The following MCM10 variants were observed in gnomAD, a reference collection of about 807,000 sequenced individuals.
The protein encoded by MCM10 is minichromosome maintenance 10 replication initiation factor, also known as protein MCM10 homolog.
A neutral mutation model predicts 109.9 loss-of-function variants in MCM10; 91 were observed. The observed-to-expected ratio is 0.83, with a 90% CI of 0.70 to 0.99. MCM10 has a LOEUF of 0.99. Among genes scored for constraint, MCM10 ranks in the 50% least tolerant of loss-of-function variants. MCM10 has a pLI of 0.00. For synonymous variants in MCM10, 380 were observed against 387.2 expected (o/e 0.98, Z 0.22); for missense variants, 1,077 against 1,061.2 (o/e 1.01, Z -0.21).
At chr10:13,168,315 T>A (rs1275342048) in intron 2 of MCM10, among the ~76,000 whole-genome samples, 1 of 152,250 alleles carries the variant, frequency 6.6e-6, no homozygotes, top group African/African-American at 2.4e-5. Context: ...AACCTCTGAC[T>A]GAGCATTAGG....
At chr10:13,195,337 GAC>G in intron 14 of MCM10, 68 bp downstream of exon 14, 1 of 1,167,148 alleles carries the variant, frequency 8.6e-7, no homozygotes, top group Non-Finnish European at 1.2e-6. Context: ...AGGAAAGACA[GAC>G]ACCTAATAGC....
chr10:13,181,097 A>G (rs1834203791), intron 7 of MCM10, among the ~76,000 whole-genome samples: 1 of 152,268 alleles, frequency 6.6e-6, no homozygotes, highest in South Asian at 2.1e-4. Context: ...TGACTGAGTC[A>G]TAAATGGGAA....
intron 18 of MCM10, among the ~76,000 whole-genome samples, chr10:13,208,416 C>T (rs1834612399): frequency 6.6e-6 from 1 of 151,012 alleles, no homozygotes. Flanking sequence ...AACAAGAGTC[C>T]CTGGGCCCTT....
Position 13,192,390 on chromosome 10 carries a change from G to T in MCM10, c.1627+25G>T, listed in dbSNP as rs371995890. 215 of 1,611,912 alleles carry T rather than the reference G, an allele frequency of 1.3e-4. No individual in the cohort carries two copies. In the African/African-American group the frequency reaches 2.6e-3, roughly 19 times the overall value. On this transcript the variant is annotated intron_variant, in intron 12 of 19. Coordinates refer to ENST00000378714, the MANE Select transcript of MCM10 (RefSeq NM_018518.5). ...GGTACCATCAGCTGCATGGCCACAC[G>T]TGTGTCCCTGTGTTCCCTCAGCCTC...
rs1273511838 is a variant in MCM10, at chr10:13,209,231, A to G, written c.2546A>G (p.Lys849Arg). The G allele has an allele frequency of 6.2e-7, 1 of 1,613,398 alleles. No individual in the cohort carries two copies. The highest frequency in any genetic ancestry group is 8.5e-7 in the Non-Finnish European group (1 of 1,179,304). ...KWERDGMLKEKTGPKIGGETL... is the reference protein window; with the variant it reads ...KWERDGMLKERTGPKIGGETL... ...AAAATATTTTCATTTTTCTAGGAAA[A>G]GACTGGTCCAAAGATAGGAGGAGAA... The change falls in exon 20 of 20, where the codon AAG becomes AGG. Residue 849 changes from lysine to arginine, a missense_variant. By Grantham distance (26) the Lys-to-Arg change is conservative. Transcript: ENST00000378714.
chr10:13,203,602 G>A (rs1834528638), intron 17 of MCM10, among the ~76,000 whole-genome samples: 1 of 152,110 alleles, frequency 6.6e-6, no homozygotes, highest in Non-Finnish European at 1.5e-5. Flanking sequence ...TCGAGTTATT[G>A]ATCAAGCTCA....
intron 18 of MCM10, chr10:13,204,580 C>G (rs547627029): frequency 2.4e-5 from 12 of 499,708 alleles, no homozygotes; most frequent in Non-Finnish European, 3.5e-5. Context: ...AGTGCCTGGC[C>G]CATAAGGGGT....
At position 13,166,653 on chromosome 10, in the gene MCM10, C is replaced by T. The variant is rs11594276; in HGVS notation, c.7+2444C>T. Among the ~76,000 whole-genome samples the T allele has an allele frequency of 4.1e-3, 188 of 45,462 alleles. 5 individuals carry two copies. Among genetic ancestry groups the T allele is most frequent in the African/African-American group, 0.014 (173 of 12,460 alleles). The allele number at this position is 45,462 out of a possible 152,430, so 29.8% of individuals were successfully genotyped here. The stretch of plus-strand genomic sequence containing the variant: ...TCTGTCTCAAAAAAAAAAAAAAATA[C>T]ATACATACATATATATATATATATA... On this transcript the variant is annotated intron_variant, in intron 2 of 19. Transcript: ENST00000378714.
In MCM10 at chr10:13,182,938, A is replaced by G. The variant is rs766208063; in HGVS notation, c.936A>G (p.Lys312=). ...KVTPQSVNSG[K]TFSIWKLNDL... The stretch of plus-strand genomic sequence containing the variant: ...AAAATAACTATTTGTTCCAGGGAAA[A>G]ACCTTCAGCATATGGAAACTGAATG... The change falls in exon 8 of 20, where the codon AAA becomes AAG. Residue 312 remains lysine (K), a synonymous_variant. Coordinates refer to ENST00000378714, the MANE Select transcript of MCM10 (RefSeq NM_018518.5). This position sits in a 1 kb window ranked among gnomAD's most constrained non-coding sequence, Gnocchi z 4.2. 3.7e-6 allele frequency: 6 copies of G among 1,611,144 alleles called. No individual in the cohort carries two copies. The highest frequency in any genetic ancestry group is 5.1e-6 in the Non-Finnish European group (6 of 1,178,486).
At position 13,188,900 on chromosome 10, in the gene MCM10, A is replaced by C. The variant is rs768062336; in HGVS notation, c.1235A>C (p.Gln412Pro). 6 of 1,614,046 alleles carry C rather than the reference A, an allele frequency of 3.7e-6. No homozygotes were observed. The highest frequency in any genetic ancestry group is 5.1e-6 in the Non-Finnish European group (6 of 1,180,016). Reference protein sequence around the residue: ...TVNLRDCEYCQYHVQAQYKKL... With the variant: ...TVNLRDCEYCPYHVQAQYKKL... Reference sequence around the variant, plus strand: ...TTGCAGCGTGACTGTGAGTACTGTCAGTACCATGTCCAGGCTCAGTACAAG... The same window carrying C: ...TTGCAGCGTGACTGTGAGTACTGTCCGTACCATGTCCAGGCTCAGTACAAG... The change falls in exon 10 of 20, where the codon CAG (glutamine) becomes CCG (proline). Residue 412 changes from glutamine to proline, a missense_variant. By Grantham distance (76) the Gln-to-Pro change is moderately conservative. Transcript: ENST00000378714.
chr10:13,180,693 T>C, intron 7 of MCM10, 86 bp downstream of exon 7: 1 of 1,452,882 alleles, frequency 6.9e-7, no homozygotes, highest in Non-Finnish European at 9.6e-7. Context: ...CTGGAACCTG[T>C]TGGTGTTTCA....
At chr10:13,196,533 G>C (rs1390369125) in intron 14 of MCM10, among the ~76,000 whole-genome samples, 1 of 152,014 alleles carries the variant, frequency 6.6e-6, no homozygotes, top group Non-Finnish European at 1.5e-5. Flanking sequence ...TATTTTTTGA[G>C]ATGGAGTCTC....
Position 13,182,916 on chromosome 10 carries a change from A to G in MCM10, c.931-17A>G, listed in dbSNP as rs772136766. 3 of 1,602,076 alleles carry G rather than the reference A, an allele frequency of 1.9e-6. No individual in the cohort carries two copies. The East Asian group carries it at 6.7e-5, about 36-fold the overall frequency. On this transcript the variant is annotated splice_polypyrimidine_tract_variant and intron_variant, in intron 7 of 19. Coordinates refer to ENST00000378714, the MANE Select transcript of MCM10 (RefSeq NM_018518.5). This position sits in a 1 kb window ranked among gnomAD's most constrained non-coding sequence, Gnocchi z 4.2. ...AACCTACAGTTCAAAATTATAAAAA[A>G]TAACTATTTGTTCCAGGGAAAAACC...
At position 13,164,109 on chromosome 10, in the gene MCM10, TA is replaced by T; in HGVS notation, c.-75-17del. 1 of 1,094,100 alleles carries T rather than the reference TA, an allele frequency of 9.1e-7. No homozygotes were observed. Among genetic ancestry groups the T allele is most frequent in the Non-Finnish European group, 1.3e-6 (1 of 767,438 alleles). The allele number at this position is 1,094,100 out of a possible 1,614,324, so 67.8% of individuals were successfully genotyped here. ...AGAGAAGAATTGAAAGTGACATTTC[TA>T]ATATTGCTTTCACACAGCCAAGATT... On this transcript the variant is annotated intron_variant, in intron 1 of 19. Transcript: ENST00000378714.
chr10:13,201,183 C>T (rs753963443), intron 16 of MCM10, among the ~76,000 whole-genome samples: 6 of 152,128 alleles, frequency 3.9e-5, no homozygotes, highest in Non-Finnish European at 2.9e-5. Flanking sequence ...ACCAAATGCT[C>T]TCATGTCCCT....
chr10:13,190,493 G>A (rs1177434171), intron 10 of MCM10, among the ~76,000 whole-genome samples: 2 of 150,172 alleles, frequency 1.3e-5, no homozygotes, highest in African/African-American at 4.9e-5. Context: ...AGACCCGCCT[G>A]AGCGACATGG....
rs1466575067 is a variant in MCM10 at position 13,200,437 on chromosome 10, C to T, written c.2239-984C>T. On this transcript the variant is annotated intron_variant, in intron 16 of 19. Coordinates refer to ENST00000378714, the MANE Select transcript of MCM10 (RefSeq NM_018518.5). ...TGCTCCCACCAATTTTCAAAATATC[C>T]CCATTCAGTATCACTACTCTGAATG... is the stretch of plus-strand genomic sequence containing the variant. 2.6e-5 allele frequency among the ~76,000 whole-genome samples: 4 copies of T among 152,314 alleles called. No individual in the cohort carries two copies. In the East Asian group the frequency reaches 7.7e-4, roughly 29 times the overall value.
chr10:13,202,279 C>T (rs1395554069), intron 17 of MCM10, among the ~76,000 whole-genome samples: 2 of 152,148 alleles, frequency 1.3e-5, no homozygotes, highest in African/African-American at 4.8e-5. Context: ...ATCACTTGAG[C>T]CCAGGAATCC....
chr10:13,163,589 T>C (rs1481376062), intron 1 of MCM10, among the ~76,000 whole-genome samples: 1 of 128,400 alleles, frequency 7.8e-6, no homozygotes, highest in Non-Finnish European at 1.8e-5. Context: ...TCCACCTAAG[T>C]AGAATCATAC....
Sources: gnomAD v4.1 joint callset for allele counts (sites outside exome capture counted in the v4.1 genomes callset) on GRCh38, gnomAD v4.1.1 for gene constraint, Gnocchi (gnomAD v3.1) non-coding constraint, MANE v1.5 for transcripts, NCBI Gene and HGNC (gene_info 2026-07-23, HGNC 2026-07-21) for gene names.